ACYP2: variants seen among roughly 807,000 people sequenced by gnomAD.
ACYP2 encodes acylphosphatase-2.
In ACYP2, 12 loss-of-function variants were observed where a neutral mutation model predicts 11.2. The ratio of observed to expected loss-of-function variants is 1.08; its 90% confidence interval spans 0.69 to 1.74. ACYP2 has a LOEUF of 1.74. Ranked by LOEUF, ACYP2 falls within the 40% of genes most tolerant of loss-of-function variation. The pLI, the probability that ACYP2 is intolerant of heterozygous loss-of-function variation, is 0.00. For missense variants in ACYP2, 134 were observed against 101.9 expected, an observed-to-expected ratio of 1.31 and a Z score of -1.35; for synonymous variants, 43 against 32.2, an observed-to-expected ratio of 1.33 and a Z score of -1.13.
chr2:54,274,584 A>G (rs1357579204), intron 6 of ACYP2, among the ~76,000 whole-genome samples: 3 of 133,626 alleles, frequency 2.2e-5, no homozygotes, highest in Non-Finnish European at 4.6e-5. Flanking sequence ...CCATGGTCAC[A>G]CCACTGCCCT....
intron 6 of ACYP2, among the ~76,000 whole-genome samples, chr2:54,191,396 G>T (rs1025695206): frequency 2.6e-5 from 4 of 152,072 alleles, no homozygotes; most frequent in Non-Finnish European, 4.4e-5. Context: ...GCTGCCTCAG[G>T]GTGGCACTTG....
At chr2:54,108,639 T>C (rs1679298169) in intron 4 of ACYP2, among the ~76,000 whole-genome samples, 1 of 151,980 alleles carries the variant, frequency 6.6e-6, no homozygotes, top group South Asian at 2.1e-4. Context: ...TTCCCCCGAG[T>C]TGGTGGCTGG....
At chr2:54,013,489 G>C (rs1170198827) in intron 2 of ACYP2, among the ~76,000 whole-genome samples, 1 of 151,710 alleles carries the variant, frequency 6.6e-6, no homozygotes. Flanking sequence ...TAGTAGAGAC[G>C]CGGTTTCATC....
chr2:54,086,673 T>C (rs564412870), intron 4 of ACYP2, among the ~76,000 whole-genome samples: 59 of 151,998 alleles, frequency 3.9e-4, no homozygotes, highest in African/African-American at 1.4e-3. Flanking sequence ...GAAAGACAAA[T>C]TGTGTGTGTG....
At chr2:54,032,058 T>C (rs1674614234) in intron 2 of ACYP2, among the ~76,000 whole-genome samples, 1 of 152,364 alleles carries the variant, frequency 6.6e-6, no homozygotes, top group African/African-American at 2.4e-5. Context: ...TGCAAAAATT[T>C]TCTCCCATTT....
chr2:54,296,265 C>T (rs1378789351), intron 6 of ACYP2, among the ~76,000 whole-genome samples: 1 of 152,204 alleles, frequency 6.6e-6, no homozygotes, highest in African/African-American at 2.4e-5. Flanking sequence ...TAGAAGGCCA[C>T]AGCTGGCCTC....
chr2:53,973,275 G>A (rs762413125), intron 1 of ACYP2, among the ~76,000 whole-genome samples: 3 of 152,182 alleles, frequency 2.0e-5, no homozygotes, highest in Non-Finnish European at 2.9e-5. Flanking sequence ...TGAATAAATA[G>A]AGGCAGCAAA....
chr2:54,024,160 G>A (rs1441456204), intron 2 of ACYP2, among the ~76,000 whole-genome samples: 1 of 152,052 alleles, frequency 6.6e-6, no homozygotes, highest in Non-Finnish European at 1.5e-5. Context: ...GATTACCTGA[G>A]GTCAGGAGTC....
intron 6 of ACYP2, among the ~76,000 whole-genome samples, chr2:54,246,079 T>C (rs1686938809): frequency 6.6e-6 from 1 of 152,160 alleles, no homozygotes; most frequent in Non-Finnish European, 1.5e-5. Context: ...CATGTGGCTA[T>C]TTAGTTTTCC....
At chr2:54,256,554 G>A (rs1035839626) in intron 6 of ACYP2, among the ~76,000 whole-genome samples, 3 of 152,118 alleles carry the variant, frequency 2.0e-5, no homozygotes, top group Admixed American at 6.5e-5. Flanking sequence ...CTTTGTACAT[G>A]CTAGATACTA....
At chr2:54,063,817 A>G (rs2103635871) in intron 4 of ACYP2, among the ~76,000 whole-genome samples, 1 of 152,242 alleles carries the variant, frequency 6.6e-6, no homozygotes, top group East Asian at 1.9e-4. Flanking sequence ...CAGGACCCTG[A>G]CACGAGCCTG....
intron 2 of ACYP2, among the ~76,000 whole-genome samples, chr2:53,991,075 C>T (rs1042109740): frequency 6.6e-6 from 1 of 152,198 alleles, no homozygotes; most frequent in African/African-American, 2.4e-5. Context: ...GGATTACAGG[C>T]GTGAGCCACC....
intron 6 of ACYP2, among the ~76,000 whole-genome samples, chr2:54,252,903 CA>C (rs750791731): frequency 2.2e-3 from 298 of 135,744 alleles, no homozygotes; most frequent in Middle Eastern, 3.7e-3. Context: ...GACTCCGTCT[CA>C]AAAAAAAAAA....
chr2:54,012,573 C>CT (rs1298490014), intron 2 of ACYP2, among the ~76,000 whole-genome samples: 1 of 152,194 alleles, frequency 6.6e-6, no homozygotes, highest in Non-Finnish European at 1.5e-5. Flanking sequence ...CCTATGCTGA[C>CT]TAGAAGCATG....
intron 4 of ACYP2, among the ~76,000 whole-genome samples, chr2:54,110,527 CT>C (rs1272394601): frequency 3.3e-5 from 5 of 152,084 alleles, no homozygotes; most frequent in African/African-American, 1.2e-4. Flanking sequence ...AAAAACAGGA[CT>C]TTTATCTCTG....
intron 6 of ACYP2, among the ~76,000 whole-genome samples, chr2:54,302,972 A>C (rs577065549): frequency 2.5e-4 from 38 of 152,250 alleles, no homozygotes; most frequent in Non-Finnish European, 4.3e-4. Context: ...CTCATCAATA[A>C]CTGGGGGCAA....
At chr2:54,109,979 G>C (rs1307564632) in intron 4 of ACYP2, among the ~76,000 whole-genome samples, 2 of 152,082 alleles carry the variant, frequency 1.3e-5, no homozygotes, top group African/African-American at 4.8e-5. Flanking sequence ...TACTAACATT[G>C]CATCTAGTCA....
intron 6 of ACYP2, among the ~76,000 whole-genome samples, chr2:54,244,183 TTTAAC>T (rs1455539564): frequency 6.6e-6 from 1 of 152,110 alleles, no homozygotes; most frequent in East Asian, 1.9e-4. Flanking sequence ...TCCTCACTGA[TTTAAC>T]TTATGTATTT....
In ACYP2 at chr2:54,051,826, C is replaced by G. The variant is rs1477736655; in HGVS notation, c.155+776C>G. On this transcript the variant is annotated intron_variant, in intron 3 of 6. Transcript: ENST00000607452. ...TTGGGAGGCCGAGGCAGGAAAATCA[C>G]CTGAGGTCAGGAGTTTGAGACCAGC... 6 of 364,358 alleles carry G rather than the reference C, an allele frequency of 1.6e-5. No homozygotes were observed. The East Asian group carries it at 4.7e-4, about 28-fold the overall frequency. 22.6% of individuals were successfully genotyped at this position (364,358 alleles called of 1,614,324 possible). A position where few individuals can be genotyped will look rare whatever the true frequency, so the allele number is the denominator to read the frequency against.
Sources: gnomAD v4.1 joint callset for allele counts (sites outside exome capture counted in the v4.1 genomes callset) on GRCh38, gnomAD v4.1.1 for gene constraint, MANE v1.5 for transcripts, NCBI Gene and HGNC (gene_info 2026-07-23, HGNC 2026-07-21) for gene names.